Variants in GRIP1 observed in about 807,000 individuals in gnomAD.
The protein encoded by GRIP1 is glutamate receptor interacting protein 1, also known as glutamate receptor-interacting protein 1.
In GRIP1, 45 loss-of-function variants were observed where a neutral mutation model predicts 129.9. That is an observed-to-expected ratio of 0.35 (90% CI 0.27 to 0.44). The LOEUF is 0.44. Ranked by LOEUF, GRIP1 falls within the 20% of genes least tolerant of loss-of-function variation. The pLI, the probability that GRIP1 is intolerant of heterozygous loss-of-function variation, is 1.00. For missense variants in GRIP1, 1,196 were observed against 1,396.8 expected (o/e 0.86, Z 2.29); for synonymous variants, 530 against 520.8 (o/e 1.02, Z -0.24).
At chr12:66,523,561 G>A (rs1266720801) in intron 5 of GRIP1, among the ~76,000 whole-genome samples, 4 of 151,834 alleles carry the variant, frequency 2.6e-5, no homozygotes, top group Non-Finnish European at 4.4e-5. Context: ...ACTGGTACCA[G>A]CCGCTGCAAA....
chr12:66,945,936 A>G (rs1307338421), intron 1 of GRIP1, among the ~76,000 whole-genome samples: 1 of 152,054 alleles, frequency 6.6e-6, no homozygotes, highest in Non-Finnish European at 1.5e-5. Flanking sequence ...ATAGCTCAAC[A>G]CTGAGCAGCT....
intron 1 of GRIP1, among the ~76,000 whole-genome samples, chr12:66,699,935 A>G (rs975226436): frequency 6.6e-6 from 1 of 152,152 alleles, no homozygotes; most frequent in Non-Finnish European, 1.5e-5. Flanking sequence ...GGAGGAACTG[A>G]GCATCACAAA....
chr12:66,768,528 G>T (rs560450645), intron 1 of GRIP1, among the ~76,000 whole-genome samples: 1 of 152,154 alleles, frequency 6.6e-6, no homozygotes, highest in South Asian at 2.1e-4. Flanking sequence ...GTGACCCAGT[G>T]GGCTCACCAG....
At chr12:66,796,709 C>T (rs991741025) in intron 1 of GRIP1, among the ~76,000 whole-genome samples, 16 of 152,178 alleles carry the variant, frequency 1.1e-4, no homozygotes, top group African/African-American at 3.6e-4. Context: ...ACTCTTGACA[C>T]GTGCATCATC....
At chr12:66,620,984 T>C (rs113003203) in intron 1 of GRIP1, among the ~76,000 whole-genome samples, 5,271 of 152,278 alleles carry the variant, frequency 0.035, 313 homozygotes, top group African/African-American at 0.12. Flanking sequence ...CAAAAGATAA[T>C]GAATAAATTA....
intron 2 of GRIP1, among the ~76,000 whole-genome samples, chr12:66,562,365 T>C (rs2062565134): frequency 6.6e-6 from 1 of 152,240 alleles, no homozygotes; most frequent in South Asian, 2.1e-4. Flanking sequence ...AGCACTGTGA[T>C]GCTGCATTTT....
intron 1 of GRIP1, among the ~76,000 whole-genome samples, chr12:66,950,443 CAATT>C (rs1169210754): frequency 6.6e-6 from 1 of 152,014 alleles, no homozygotes; most frequent in Non-Finnish European, 1.5e-5. Context: ...CACTTTTAAT[CAATT>C]TATTACTCAG....
intron 1 of GRIP1, among the ~76,000 whole-genome samples, chr12:67,005,374 A>G (rs1416445215): frequency 2.6e-5 from 4 of 152,208 alleles, no homozygotes; most frequent in Non-Finnish European, 1.5e-5. Flanking sequence ...AATTTCTGAA[A>G]TATAAAGACA....
At chr12:66,470,248 C>T (rs186058098) in intron 7 of GRIP1, among the ~76,000 whole-genome samples, 1 of 152,158 alleles carries the variant, frequency 6.6e-6, no homozygotes, top group Admixed American at 6.6e-5. Flanking sequence ...CTACAAGGAC[C>T]TGCATGATCT....
chr12:66,573,625 T>C (rs2063039081), intron 2 of GRIP1, among the ~76,000 whole-genome samples: 1 of 152,142 alleles, frequency 6.6e-6, no homozygotes, highest in South Asian at 2.1e-4. Flanking sequence ...AGAGCCTGCG[T>C]TCCTAACCAG....
intron 1 of GRIP1, among the ~76,000 whole-genome samples, chr12:66,702,808 C>T (rs1007246481): frequency 2.0e-5 from 3 of 152,098 alleles, no homozygotes; most frequent in African/African-American, 4.8e-5. Flanking sequence ...GTCTTTTCTG[C>T]AATCAATAGA....
At chr12:66,640,796 T>C (rs1428005958) in intron 1 of GRIP1, among the ~76,000 whole-genome samples, 1 of 152,214 alleles carries the variant, frequency 6.6e-6, no homozygotes, top group African/African-American at 2.4e-5. Flanking sequence ...GAATTTTCTC[T>C]CTGGTTCTCC....
intron 1 of GRIP1, among the ~76,000 whole-genome samples, chr12:66,605,052 T>TTC (rs10680379): frequency 0.27 from 29,012 of 106,036 alleles, 2,931 homozygotes; most frequent in Non-Finnish European, 0.31. Flanking sequence ...AGAAGTCACT[T>TTC]ATATATATAT....
chr12:66,915,531 T>G (rs1420043524), intron 1 of GRIP1, among the ~76,000 whole-genome samples: 1 of 152,162 alleles, frequency 6.6e-6, no homozygotes, highest in Non-Finnish European at 1.5e-5. Context: ...TCAGCAGGCA[T>G]CAGACGTGGG....
At chr12:66,629,959 G>T (rs1286660187) in intron 1 of GRIP1, among the ~76,000 whole-genome samples, 1 of 152,084 alleles carries the variant, frequency 6.6e-6, no homozygotes, top group African/African-American at 2.4e-5. Flanking sequence ...ATTAAGTATA[G>T]GCCAGGGCTT....
chr12:66,918,817 C>G (rs2041168137), intron 1 of GRIP1, among the ~76,000 whole-genome samples: 1 of 151,872 alleles, frequency 6.6e-6, no homozygotes, highest in African/African-American at 2.4e-5. Flanking sequence ...CTCCAAAACT[C>G]CAAGAATATC....
chr12:66,810,215 C>T (rs753167452), intron 1 of GRIP1, among the ~76,000 whole-genome samples: 3 of 152,066 alleles, frequency 2.0e-5, no homozygotes, highest in Non-Finnish European at 4.4e-5. Context: ...GTCTGTATAA[C>T]AGTATTAGCT....
chr12:66,885,290 G>A (rs955362894), intron 1 of GRIP1, among the ~76,000 whole-genome samples: 8 of 152,084 alleles, frequency 5.3e-5, no homozygotes, highest in South Asian at 2.1e-4. Flanking sequence ...AGCTGCCCCC[G>A]GTGCGCTTCA....
intron 1 of GRIP1, among the ~76,000 whole-genome samples, chr12:66,869,164 T>C (rs1355043202): frequency 6.6e-6 from 1 of 151,990 alleles, no homozygotes; most frequent in East Asian, 1.9e-4. Flanking sequence ...ATTCATCTAG[T>C]ATTCCCTGAC....
Sources: allele counts gnomAD v4.1 joint callset (sites outside exome capture counted in the v4.1 genomes callset), GRCh38; gene constraint gnomAD v4.1.1; transcripts MANE v1.5; gene names NCBI Gene and HGNC (gene_info 2026-07-23, HGNC 2026-07-21).